TRIT1: variants seen among roughly 807,000 people sequenced by gnomAD.
The protein encoded by TRIT1 is tRNA isopentenyltransferase 1, also known as tRNA dimethylallyltransferase.
Under a neutral mutation model 51.2 loss-of-function variants are expected in TRIT1, and 43 were observed. The ratio of observed to expected loss-of-function variants is 0.84; its 90% confidence interval spans 0.66 to 1.08. The LOEUF (loss-of-function observed/expected upper bound fraction) is 1.08. Ranked by LOEUF, TRIT1 falls within the 50% of genes least tolerant of loss-of-function variation. The probability of loss-of-function intolerance (pLI) is 0.00; values close to 1 mark genes in which losing one functional copy is unlikely to be tolerated. For missense variants in TRIT1, 528 were observed against 578.4 expected, an observed-to-expected ratio of 0.91 and a Z score of 0.89; for synonymous variants, 184 against 203.9, an observed-to-expected ratio of 0.90 and a Z score of 0.83.
intron 6 of TRIT1, 62 bp downstream of exon 6, chr1:39,847,924 T>C: frequency 6.7e-7 from 1 of 1,496,282 alleles, no homozygotes; most frequent in African/African-American, 1.4e-5. Flanking sequence ...GTATTAGCGT[T>C]ATGGTCTTTT....
intron 10 of TRIT1, among the ~76,000 whole-genome samples, chr1:39,842,117 C>A (rs1641943017): frequency 6.6e-6 from 1 of 152,204 alleles, no homozygotes; most frequent in Non-Finnish European, 1.5e-5. Flanking sequence ...ATAGAGTGAG[C>A]TACCACATAT....
rs35360578 is a variant in TRIT1 at position 39,862,313 on chromosome 1, TAAAAAA to T, written c.175-4902_175-4897del. 2.3e-3 allele frequency among the ~76,000 whole-genome samples: 317 copies of T among 139,298 alleles called. 4 individuals are homozygous for T. The highest frequency in any genetic ancestry group is 7.4e-3 in the African/African-American group (283 of 38,364). The allele number at this position is 139,298 out of a possible 152,430, so 91.4% of individuals were successfully genotyped here. A position where few individuals can be genotyped will look rare whatever the true frequency, so the allele number is the denominator to read the frequency against. Reference sequence around the variant, plus strand: ...TAATGGTCAATGTTATATCACAATTTAAAAAAAAAAAAAAAAAGACTTGGATGATAG... The same window carrying T: ...TAATGGTCAATGTTATATCACAATTTAAAAAAAAAAAGACTTGGATGATAG... On this transcript the variant is annotated intron_variant, in intron 1 of 10. Coordinates refer to ENST00000316891, the MANE Select transcript of TRIT1 (RefSeq NM_017646.6).
At chr1:39,859,258 CTCAAAAAA>C (rs1643086339) in intron 1 of TRIT1, among the ~76,000 whole-genome samples, 1 of 41,992 alleles carries the variant, frequency 2.4e-5, no homozygotes, top group African/African-American at 7.8e-5. Context: ...TCGACTCCGT[CTCAAAAAA>C]AAAAAAAAAA....
At chr1:39,874,218 C>G (rs1201718513) in intron 1 of TRIT1, among the ~76,000 whole-genome samples, 1 of 152,042 alleles carries the variant, frequency 6.6e-6, no homozygotes, top group Non-Finnish European at 1.5e-5. Context: ...AGTTTCTTAA[C>G]TTTAGTACAA....
At chr1:39,863,764 G>C (rs548503190) in intron 1 of TRIT1, among the ~76,000 whole-genome samples, 1 of 145,202 alleles carries the variant, frequency 6.9e-6, no homozygotes, top group Non-Finnish European at 1.5e-5. Context: ...AAAAAAAAAA[G>C]AGATATGAAA....
At position 39,872,917 on chromosome 1, in the gene TRIT1, ACT is replaced by A. The variant is rs367839499; in HGVS notation, c.174+10399_174+10400del. On this transcript the variant is annotated intron_variant, in intron 1 of 10. Transcript: ENST00000316891. ...ACAAAAAGAAAGAAAGAAAAGAAAG[ACT>A]CTGATGAATGCTAAAATCAGAGGGT... Among the ~76,000 whole-genome samples, 595 of 151,946 alleles carry A rather than the reference ACT, an allele frequency of 3.9e-3. 2 individuals are homozygous for A. Among genetic ancestry groups the A allele is most frequent in the African/African-American group, 0.013 (536 of 41,418 alleles).
intron 10 of TRIT1, among the ~76,000 whole-genome samples, chr1:39,843,692 C>A (rs1642056024): frequency 6.6e-6 from 1 of 152,166 alleles, no homozygotes; most frequent in Non-Finnish European, 1.5e-5. Flanking sequence ...TGCCCCCTCC[C>A]AGCTATGCTT....
At chr1:39,843,517 A>G (rs1342994851) in intron 10 of TRIT1, among the ~76,000 whole-genome samples, 1 of 152,168 alleles carries the variant, frequency 6.6e-6, no homozygotes, top group Non-Finnish European at 1.5e-5. Flanking sequence ...GTGGTGGGGA[A>G]CTAACCTTCT....
chr1:39,875,382 G>T (rs1372769466), intron 1 of TRIT1, among the ~76,000 whole-genome samples: 1 of 152,062 alleles, frequency 6.6e-6, no homozygotes, highest in Non-Finnish European at 1.5e-5. Flanking sequence ...CAGCTACTCA[G>T]GAGGCTAAGG....
chr1:39,867,536 T>A (rs961106955), intron 1 of TRIT1, among the ~76,000 whole-genome samples: 1 of 151,948 alleles, frequency 6.6e-6, no homozygotes, highest in South Asian at 2.1e-4. Context: ...AAAAAAAAAA[T>A]TGAAACATTT....
chr1:39,868,272 G>GA (rs1643660768), intron 1 of TRIT1, among the ~76,000 whole-genome samples: 2 of 152,134 alleles, frequency 1.3e-5, no homozygotes, highest in Non-Finnish European at 2.9e-5. Flanking sequence ...TGAAGAGAAT[G>GA]AAAAAATAAG....
intron 1 of TRIT1, chr1:39,876,175 G>A (rs986403748): frequency 6.6e-6 from 1 of 152,158 alleles, no homozygotes; most frequent in Admixed American, 6.5e-5. Context: ...TCATAATGGA[G>A]CACATATGTG....
chr1:39,865,933 G>C lies in TRIT1; in HGVS notation c.175-8516C>G, dbSNP rs75605182. On this transcript the variant is annotated intron_variant, in intron 1 of 10. Transcript: ENST00000316891. ...AAAGGAAGGAAGGGAGGGAAGGAAT[G>C]AAAGGAAAAAGAAAGAAAAGAAGAA... Among the ~76,000 whole-genome samples, 227 of 135,416 alleles carry C rather than the reference G, an allele frequency of 1.7e-3. 1 individual carries two copies. Among genetic ancestry groups the C allele is most frequent in the African/African-American group, 5.9e-3 (213 of 36,140 alleles). 88.8% of individuals were successfully genotyped at this position (135,416 alleles called of 152,430 possible).
chr1:39,856,010 T>C (rs893008557), intron 2 of TRIT1, among the ~76,000 whole-genome samples: 3 of 151,586 alleles, frequency 2.0e-5, no homozygotes, highest in Non-Finnish European at 4.4e-5. Context: ...AATCCATCTC[T>C]ACAAAAAATA....
rs184802008 is a variant in TRIT1, at chr1:39,867,998, G to A, written c.175-10581C>T. 3.0e-4 allele frequency among the ~76,000 whole-genome samples: 45 copies of A among 150,954 alleles called. No individual in the cohort carries two copies. In the East Asian group the frequency reaches 8.4e-3, roughly 28 times the overall value. ...CTCGCTCTGTCGCCCAGGCTGGAGT[G>A]CAGTGACTCCATCTCGGCTCACTGC... is the stretch of plus-strand genomic sequence containing the variant. On this transcript the variant is annotated intron_variant, in intron 1 of 10. Coordinates refer to ENST00000316891, the MANE Select transcript of TRIT1 (RefSeq NM_017646.6).
At chr1:39,869,433 G>A (rs561965793) in intron 1 of TRIT1, among the ~76,000 whole-genome samples, 1 of 152,232 alleles carries the variant, frequency 6.6e-6, no homozygotes, top group African/African-American at 2.4e-5. Context: ...GGAGTGCAGT[G>A]TTGTGATCTT....
At chr1:39,854,921 AGCCTCAACCTCCCAGGGCTC>A (rs78310238) in intron 2 of TRIT1, among the ~76,000 whole-genome samples, 27,696 of 151,914 alleles carry the variant, frequency 0.18, 2,672 homozygotes, top group Non-Finnish European at 0.22. Flanking sequence ...AGTTCACTGC[AGCCTCAACCTCCCAGGGCTC>A]GAGTCATCCT....
chr1:39,871,992 C>A (rs2124671305), intron 1 of TRIT1, among the ~76,000 whole-genome samples: 1 of 152,068 alleles, frequency 6.6e-6, no homozygotes, highest in South Asian at 2.1e-4. Flanking sequence ...CAGCCTTGAC[C>A]TCCCTGGCTC....
chr1:39,847,160 G>T (rs897016954), intron 8 of TRIT1, 60 bp downstream of exon 8: 1 of 1,387,998 alleles, frequency 7.2e-7, no homozygotes, highest in Non-Finnish European at 1.0e-6. Flanking sequence ...TGGGTGAGCT[G>T]AGGACATCTA....
Sources: gnomAD v4.1 joint callset for allele counts (sites outside exome capture counted in the v4.1 genomes callset) on GRCh38, gnomAD v4.1.1 for gene constraint, MANE v1.5 for transcripts, NCBI Gene and HGNC (gene_info 2026-07-23, HGNC 2026-07-21) for gene names.